Variants in MAPKAP1 observed in about 807,000 individuals in gnomAD.
MAPKAP1 encodes the protein MAPK associated protein 1, also known as target of rapamycin complex 2 subunit MAPKAP1.
Under a neutral mutation model 65.7 loss-of-function variants are expected in MAPKAP1, and 20 were observed. The observed-to-expected ratio is 0.30, with a 90% CI of 0.21 to 0.44. MAPKAP1 has a LOEUF of 0.44. Ranked by LOEUF, MAPKAP1 falls within the 20% of genes least tolerant of loss-of-function variation. The pLI is 1.00. For synonymous variants in MAPKAP1, 222 were observed against 244.3 expected, an observed-to-expected ratio of 0.91 and a Z score of 0.85; for missense variants, 423 against 648.0, an observed-to-expected ratio of 0.65 and a Z score of 3.77.
At chr9:125,521,719 A>G (rs1244918905) in intron 7 of MAPKAP1, 2 of 1,612,250 alleles carry the variant, frequency 1.2e-6, no homozygotes, top group Admixed American at 3.4e-5. Context: ...ATTTTCCTTA[A>G]CACAGCCTTG....
chr9:125,571,411 T>G (rs959762132), intron 5 of MAPKAP1, among the ~76,000 whole-genome samples: 8 of 152,260 alleles, frequency 5.3e-5, no homozygotes, highest in Non-Finnish European at 1.0e-4. Context: ...AGGTTTCTAA[T>G]AACTTTGGAA....
intron 10 of MAPKAP1, among the ~76,000 whole-genome samples, chr9:125,455,269 T>C (rs1316898256): frequency 1.3e-5 from 2 of 152,150 alleles, no homozygotes; most frequent in African/African-American, 4.8e-5. Context: ...CGTCCAACAA[T>C]GTTAGAATTA....
chr9:125,645,276 T>C (rs1833693575), intron 4 of MAPKAP1, among the ~76,000 whole-genome samples: 3 of 152,152 alleles, frequency 2.0e-5, no homozygotes, highest in Non-Finnish European at 4.4e-5. Flanking sequence ...AGGATGTGAC[T>C]GGAGTCCTTC....
At chr9:125,647,750 T>G (rs1045585379) in intron 4 of MAPKAP1, among the ~76,000 whole-genome samples, 2 of 152,214 alleles carry the variant, frequency 1.3e-5, no homozygotes, top group Non-Finnish European at 1.5e-5. Context: ...AGAGCTGGTA[T>G]GCAATAAATG....
chr9:125,643,941 T>C (rs796329739), intron 4 of MAPKAP1, among the ~76,000 whole-genome samples: 1 of 152,230 alleles, frequency 6.6e-6, no homozygotes, highest in Non-Finnish European at 1.5e-5. Context: ...TCTGGGAAAA[T>C]ATAAGCAGAA....
chr9:125,653,275 TA>T (rs1833943207), intron 4 of MAPKAP1, among the ~76,000 whole-genome samples: 1 of 152,232 alleles, frequency 6.6e-6, no homozygotes. Context: ...ACCGAAATTT[TA>T]CATGACATAG....
chr9:125,621,618 G>T (rs1354517996), intron 4 of MAPKAP1, among the ~76,000 whole-genome samples: 1 of 152,090 alleles, frequency 6.6e-6, no homozygotes, highest in East Asian at 1.9e-4. Context: ...TAACAATAAA[G>T]TCAGATAAGA....
chr9:125,602,841 G>A (rs959557502), intron 4 of MAPKAP1, among the ~76,000 whole-genome samples: 1 of 152,268 alleles, frequency 6.6e-6, no homozygotes, highest in Admixed American at 6.5e-5. Flanking sequence ...CTGGGCAACA[G>A]GGCAAGACCC....
chr9:125,485,910 T>C (rs1398871368), intron 8 of MAPKAP1, among the ~76,000 whole-genome samples: 1 of 152,222 alleles, frequency 6.6e-6, no homozygotes. Context: ...ATATGTATGC[T>C]TCATAAGAGC....
At chr9:125,565,589 AG>A (rs1474091168) in intron 5 of MAPKAP1, 17 of 318,446 alleles carry the variant, frequency 5.3e-5, no homozygotes, top group South Asian at 4.2e-4. Flanking sequence ...AAAGGTCATG[AG>A]GATTGCAGCT....
chr9:125,654,810 C>T (rs1002753099), intron 4 of MAPKAP1, among the ~76,000 whole-genome samples: 1 of 152,106 alleles, frequency 6.6e-6, no homozygotes, highest in Non-Finnish European at 1.5e-5. Flanking sequence ...AACAGTAAAG[C>T]CATAGCAAAA....
At chr9:125,652,778 A>G (rs1833929355) in intron 4 of MAPKAP1, among the ~76,000 whole-genome samples, 1 of 152,062 alleles carries the variant, frequency 6.6e-6, no homozygotes, top group Admixed American at 6.6e-5. Context: ...TCCCCCACCC[A>G]CCCAAAGGAA....
intron 4 of MAPKAP1, among the ~76,000 whole-genome samples, chr9:125,650,829 T>C (rs888560194): frequency 1.3e-5 from 2 of 152,186 alleles, no homozygotes; most frequent in African/African-American, 4.8e-5. Flanking sequence ...CCTATTTAAC[T>C]CATTACGAAC....
chr9:125,628,042 G>C (rs1833165888), intron 4 of MAPKAP1, among the ~76,000 whole-genome samples: 1 of 152,176 alleles, frequency 6.6e-6, no homozygotes, highest in Admixed American at 6.5e-5. Context: ...GCTGGTGTTA[G>C]AAAGATAAAC....
At chr9:125,617,584 C>CA (rs1172382645) in intron 4 of MAPKAP1, among the ~76,000 whole-genome samples, 6 of 152,160 alleles carry the variant, frequency 3.9e-5, no homozygotes, top group Non-Finnish European at 5.9e-5. Flanking sequence ...TGTCCATCAA[C>CA]AGTGGAATGG....
chr9:125,706,571 G>C (rs1045919641), intron 1 of MAPKAP1, among the ~76,000 whole-genome samples: 1 of 151,962 alleles, frequency 6.6e-6, no homozygotes, highest in Non-Finnish European at 1.5e-5. Flanking sequence ...AAGTCTGTAA[G>C]GCTGTTAACC....
At chr9:125,607,419 T>C (rs1449758900) in intron 4 of MAPKAP1, among the ~76,000 whole-genome samples, 1 of 152,230 alleles carries the variant, frequency 6.6e-6, no homozygotes, top group African/African-American at 2.4e-5. Flanking sequence ...CCCCATACAT[T>C]TGACATCCAT....
At chr9:125,698,323 AT>A (rs1434726251) in intron 1 of MAPKAP1, among the ~76,000 whole-genome samples, 26 of 101,214 alleles carry the variant, frequency 2.6e-4, no homozygotes, top group South Asian at 5.8e-4. Flanking sequence ...ATATATATAT[AT>A]ATATATATAT....
At position 125,595,794 on chromosome 9, in the gene MAPKAP1, G is replaced by A; in HGVS notation, c.499-10067C>T. On this transcript the variant is annotated intron_variant, in intron 4 of 11. Coordinates refer to ENST00000265960, the MANE Select transcript of MAPKAP1 (RefSeq NM_001006617.3). This position sits in a 1 kb window ranked among gnomAD's most constrained non-coding sequence, Gnocchi z 4.0. ...GAGCAATGGGGAACGCTCCCAGACT[G>A]TGTGGTAATGAAAGATTCCAACACC... 3.4e-6 allele frequency: 4 copies of A among 1,169,408 alleles called. No homozygotes were observed. The highest frequency in any genetic ancestry group is 1.3e-6 in the Non-Finnish European group (1 of 791,644). 72.4% of individuals were successfully genotyped at this position (1,169,408 alleles called of 1,614,324 possible).
Sources: gnomAD v4.1 joint callset for allele counts (sites outside exome capture counted in the v4.1 genomes callset) on GRCh38, gnomAD v4.1.1 for gene constraint, Gnocchi (gnomAD v3.1) non-coding constraint, MANE v1.5 for transcripts, NCBI Gene and HGNC (gene_info 2026-07-23, HGNC 2026-07-21) for gene names.